Variants in ZWILCH observed in about 807,000 individuals in gnomAD.
ZWILCH encodes the protein protein zwilch homolog.
In ZWILCH, 74 loss-of-function variants were observed where a neutral mutation model predicts 79.9. The ratio of observed to expected loss-of-function variants is 0.93; its 90% CI spans 0.77 to 1.12. The LOEUF (loss-of-function observed/expected upper bound fraction) is 1.12, where lower values mean the gene tolerates loss of function less well. ZWILCH is among the 50% of genes most tolerant of loss of function. ZWILCH has a pLI of 0.00. For synonymous variants in ZWILCH, 241 were observed against 228.2 expected (o/e 1.06, Z -0.51); for missense variants, 694 against 687.5 (o/e 1.01, Z -0.11).
intron 12 of ZWILCH, among the ~76,000 whole-genome samples, chr15:66,531,311 G>A (rs1249957372): frequency 6.6e-6 from 1 of 152,148 alleles, no homozygotes; most frequent in Non-Finnish European, 1.5e-5. Context: ...CTCTCAGCTA[G>A]GAGAGGAGAA....
intron 17 of ZWILCH, among the ~76,000 whole-genome samples, chr15:66,543,023 G>T (rs1223985956): frequency 2.0e-5 from 3 of 151,992 alleles, no homozygotes; most frequent in African/African-American, 7.3e-5. Flanking sequence ...TTCTGTGGGA[G>T]GTAGTACCCA....
intron 1 of ZWILCH, 117 bp downstream of exon 1, chr15:66,505,508 C>T (rs1276087667): frequency 7.5e-7 from 1 of 1,325,788 alleles, no homozygotes; most frequent in Non-Finnish European, 1.1e-6. Flanking sequence ...GCCAGCTTTC[C>T]TGGGGTCCAG....
intron 12 of ZWILCH, among the ~76,000 whole-genome samples, chr15:66,531,898 C>A (rs1018961226): frequency 6.6e-6 from 1 of 151,736 alleles, no homozygotes; most frequent in African/African-American, 2.4e-5. Flanking sequence ...GAAACCCCAT[C>A]TCTACTAAAA....
chr15:66,507,544 A>G (rs1893872167), intron 1 of ZWILCH, among the ~76,000 whole-genome samples: 2 of 152,194 alleles, frequency 1.3e-5, no homozygotes, highest in East Asian at 1.9e-4. Context: ...TTTAAGCCCT[A>G]TAGCTAAATT....
intron 16 of ZWILCH, among the ~76,000 whole-genome samples, chr15:66,538,738 C>T (rs1438966390): frequency 6.6e-6 from 1 of 152,130 alleles, no homozygotes; most frequent in Admixed American, 6.6e-5. Flanking sequence ...TGTCTTGAAC[C>T]TATCTCCTTA....
At position 66,548,639 on chromosome 15, in the gene ZWILCH, A is replaced by ATCCTGTTCTCATTTGTG; in HGVS notation, c.*315_*316insTCCTGTTCTCATTTGTG. On this transcript the variant is annotated 3_prime_UTR_variant, in exon 19 of 19. Transcript: ENST00000307897. ...ACAAAGAGAACGAGCACCACAAATG[A>ATCCTGTTCTCATTTGTG]GAACAGGATCATTTTAGTAAATACA... 1 of 1,104,650 alleles carries ATCCTGTTCTCATTTGTG rather than the reference A, an allele frequency of 9.1e-7. No homozygotes were observed. Among genetic ancestry groups the ATCCTGTTCTCATTTGTG allele is most frequent in the Non-Finnish European group, 1.4e-6 (1 of 717,588 alleles). The allele number at this position is 1,104,650 out of a possible 1,614,324, so 68.4% of individuals were successfully genotyped here. A position where few individuals can be genotyped will look rare whatever the true frequency, so the allele number is the denominator to read the frequency against.
chr15:66,506,819 A>G (rs1476132742), intron 1 of ZWILCH, among the ~76,000 whole-genome samples: 2 of 152,018 alleles, frequency 1.3e-5, no homozygotes, highest in African/African-American at 2.4e-5. Context: ...CTAAAAATAA[A>G]TAAATAAATA....
intron 17 of ZWILCH, among the ~76,000 whole-genome samples, chr15:66,541,736 T>A (rs1421236357): frequency 2.0e-5 from 3 of 152,240 alleles, no homozygotes; most frequent in Non-Finnish European, 2.9e-5. Context: ...CTTATTCATA[T>A]GGGTCTTAAA....
chr15:66,537,741 T>A (rs187086110), intron 16 of ZWILCH, among the ~76,000 whole-genome samples: 14 of 152,126 alleles, frequency 9.2e-5, no homozygotes, highest in Admixed American at 9.2e-4. Flanking sequence ...ATTTATTATC[T>A]TAAGTCCACC....
chr15:66,532,441 A>G (rs1894885230), intron 13 of ZWILCH, 38 bp downstream of exon 13: 2 of 1,543,040 alleles, frequency 1.3e-6, no homozygotes, highest in African/African-American at 1.4e-5. Context: ...TAAAAAACAC[A>G]TCACAGTTAT....
At chr15:66,528,817 A>T (rs760510635) in intron 10 of ZWILCH, 35 bp from the exon 11 acceptor site, 6 of 1,577,102 alleles carry the variant, frequency 3.8e-6, no homozygotes, top group South Asian at 1.1e-5. Context: ...TTAAAAAAAA[A>T]ACTGAGTATT....
intron 10 of ZWILCH, among the ~76,000 whole-genome samples, chr15:66,528,542 G>A (rs927976222): frequency 6.6e-6 from 1 of 152,150 alleles, no homozygotes; most frequent in Non-Finnish European, 1.5e-5. Context: ...AGATGGTACT[G>A]TTAAATTAAA....
At chr15:66,509,477 A>G (rs1893948085) in intron 2 of ZWILCH, among the ~76,000 whole-genome samples, 1 of 152,118 alleles carries the variant, frequency 6.6e-6, no homozygotes, top group Non-Finnish European at 1.5e-5. Flanking sequence ...TTTAAGATTC[A>G]TCTATGTTGT....
intron 13 of ZWILCH, among the ~76,000 whole-genome samples, chr15:66,532,651 A>G (rs887832158): frequency 1.1e-4 from 16 of 152,002 alleles, no homozygotes; most frequent in African/African-American, 3.4e-4. Context: ...TTGCGGTTCT[A>G]TAAAGTTAGT....
chr15:66,510,306 G>C (rs1449584716), intron 2 of ZWILCH, among the ~76,000 whole-genome samples: 1 of 151,218 alleles, frequency 6.6e-6, no homozygotes, highest in Non-Finnish European at 1.5e-5. Flanking sequence ...AGAATCACTT[G>C]AACCTGGGAG....
chr15:66,538,388 T>TC (rs1296919231), intron 16 of ZWILCH, among the ~76,000 whole-genome samples: 8 of 95,090 alleles, frequency 8.4e-5, no homozygotes, highest in African/African-American at 3.3e-4. Flanking sequence ...AGTAAGCACT[T>TC]TTTTTTTTTT....
intron 2 of ZWILCH, among the ~76,000 whole-genome samples, chr15:66,512,280 A>G (rs1026756404): frequency 1.3e-5 from 2 of 152,076 alleles, no homozygotes; most frequent in African/African-American, 2.4e-5. Flanking sequence ...TTTTAAAGAG[A>G]TGGGGTCTTA....
At chr15:66,506,843 T>C (rs1020406007) in intron 1 of ZWILCH, among the ~76,000 whole-genome samples, 1 of 150,626 alleles carries the variant, frequency 6.6e-6, no homozygotes. Context: ...CCTCTATTGA[T>C]ACAACTTTAT....
chr15:66,532,717 TG>T (rs1184671081), intron 13 of ZWILCH, among the ~76,000 whole-genome samples: 1 of 152,058 alleles, frequency 6.6e-6, no homozygotes, highest in Admixed American at 6.6e-5. Flanking sequence ...TACACTTGGT[TG>T]TTTTTAATGA....
Sources: gnomAD v4.1 joint callset for allele counts (sites outside exome capture counted in the v4.1 genomes callset) on GRCh38, gnomAD v4.1.1 for gene constraint, MANE v1.5 for transcripts, NCBI Gene and HGNC (gene_info 2026-07-23, HGNC 2026-07-21) for gene names.